Variants in HSPB8 observed in about 807,000 individuals in gnomAD.
HSPB8 encodes the protein heat shock protein family B (small) member 8, also known as heat shock protein beta-8.
In HSPB8, 9 loss-of-function variants were observed where a neutral mutation model predicts 16.5. That is an observed-to-expected ratio of 0.55 (90% confidence interval 0.33 to 0.95). The LOEUF (loss-of-function observed/expected upper bound fraction) is 0.95, where lower values mean the gene tolerates loss of function less well. Among genes scored for constraint, HSPB8 ranks in the 40% least tolerant of loss-of-function variants. The pLI is 0.03. For synonymous variants in HSPB8, 99 were observed against 94.8 expected (o/e 1.04, Z -0.26); for missense variants, 238 against 251.2 (o/e 0.95, Z 0.35).
chr12:119,179,392 C>T lies in HSPB8; in HGVS notation c.80C>T (p.Ser27Phe). The change falls in exon 1 of 3, where the codon TCC becomes TTC. Residue 27 changes from serine to phenylalanine, a missense_variant. Physicochemically the swap from Ser to Phe is radical, Grantham distance 155. Coordinates refer to ENST00000281938, the MANE Select transcript of HSPB8 (RefSeq NM_014365.3). Reference protein sequence around the residue: ...RRDPFRDSPLSSRLLDDGFGM... With the variant: ...RRDPFRDSPLFSRLLDDGFGM... ...GACCCCTTCCGGGACTCTCCCCTCT[C>T]CTCTCGCCTGCTGGATGATGGCTTT... 6.2e-7 allele frequency: 1 copy of T among 1,614,174 alleles called. No individual in the cohort carries two copies. The highest frequency in any genetic ancestry group is 8.5e-7 in the Non-Finnish European group (1 of 1,180,032).
intron 2 of HSPB8, among the ~76,000 whole-genome samples, chr12:119,191,548 C>T (rs888110460): frequency 6.0e-5 from 9 of 150,596 alleles, no homozygotes; most frequent in African/African-American, 2.0e-4. Context: ...TGGGTAGATA[C>T]GGCTCATGTG....
chr12:119,185,631 C>CTATTAT (rs56785067), intron 1 of HSPB8, among the ~76,000 whole-genome samples: 9,465 of 151,210 alleles, frequency 0.063, 376 homozygotes, highest in East Asian at 0.22. Flanking sequence ...CACGCCCTGC[C>CTATTAT]TATTATTATT....
intron 2 of HSPB8, among the ~76,000 whole-genome samples, chr12:119,193,153 T>A (rs1330432407): frequency 1.3e-5 from 2 of 152,230 alleles, no homozygotes; most frequent in African/African-American, 4.8e-5. Context: ...TGTGGCCAGC[T>A]TGGCCCCTTT....
intron 2 of HSPB8, among the ~76,000 whole-genome samples, chr12:119,189,593 T>A (rs1010852505): frequency 1.3e-5 from 2 of 152,036 alleles, no homozygotes; most frequent in African/African-American, 4.8e-5. Flanking sequence ...GCAACCTAGA[T>A]CCCTCGCATG....
At chr12:119,193,113 C>T (rs1269541379) in intron 2 of HSPB8, among the ~76,000 whole-genome samples, 1 of 152,132 alleles carries the variant, frequency 6.6e-6, no homozygotes, top group East Asian at 1.9e-4. Flanking sequence ...TTTTGAATAC[C>T]ATCGAGTATG....
intron 1 of HSPB8, among the ~76,000 whole-genome samples, chr12:119,185,665 T>G (rs11064698): frequency 3.3e-5 from 5 of 151,618 alleles, no homozygotes; most frequent in Non-Finnish European, 5.9e-5. Flanking sequence ...TTAGAAACAG[T>G]GCCTCTCTAT....
intron 1 of HSPB8, among the ~76,000 whole-genome samples, chr12:119,181,453 A>T (rs141884823): frequency 1.3e-5 from 2 of 152,306 alleles, no homozygotes; most frequent in African/African-American, 2.4e-5. Context: ...AGACAAACAG[A>T]TAATGCATCT....
chr12:119,190,257 C>T (rs1427433118), intron 2 of HSPB8, among the ~76,000 whole-genome samples: 3 of 152,178 alleles, frequency 2.0e-5, no homozygotes, highest in Admixed American at 6.5e-5. Context: ...ACCTAGGAGT[C>T]GAACTGGGGT....
At position 119,188,758 on chromosome 12, in the gene HSPB8, T is replaced by C. The variant is rs1592931285; in HGVS notation, c.431+1670T>C. Among the ~76,000 whole-genome samples, 3 of 152,330 alleles carry C rather than the reference T, an allele frequency of 2.0e-5. No individual in the cohort carries two copies. In the South Asian group the frequency reaches 6.2e-4, roughly 32 times the overall value. On this transcript the variant is annotated intron_variant, in intron 2 of 2. Transcript: ENST00000281938. ...TGCTCAGTCCTTGGGCAAGGAATGC[T>C]GTTTCCTCATCTGTGAAAGGGATGC... is the stretch of plus-strand genomic sequence containing the variant.
chr12:119,191,596 AAAG>A (rs1375483091), intron 2 of HSPB8, among the ~76,000 whole-genome samples: 1 of 87,140 alleles, frequency 1.1e-5, no homozygotes, highest in African/African-American at 5.2e-5. Context: ...AGAAAGAAAG[AAAG>A]AAAAAAAAAA....
intron 1 of HSPB8, chr12:119,182,192 G>C (rs78852656): frequency 6.6e-6 from 1 of 152,150 alleles, no homozygotes; most frequent in African/African-American, 2.4e-5. Flanking sequence ...GTAAAATGGG[G>C]TCATTGGGAG....
At chr12:119,180,570 G>C (rs915766409) in intron 1 of HSPB8, among the ~76,000 whole-genome samples, 6 of 152,162 alleles carry the variant, frequency 3.9e-5, no homozygotes, top group African/African-American at 1.2e-4. Flanking sequence ...AATAGGAGTG[G>C]AGTAGGGACT....
chr12:119,190,350 T>C lies in HSPB8; in HGVS notation c.431+3262T>C, dbSNP rs562007326. Among the ~76,000 whole-genome samples the C allele has an allele frequency of 2.0e-5, 3 of 152,278 alleles. No individual in the cohort carries two copies. In the South Asian group the frequency reaches 6.2e-4, roughly 32 times the overall value. ...CTCCAGTCATTAGAGGACAGGGAGA[T>C]TCCTTCAGCCAGGCTGAGATCCTTG... On this transcript the variant is annotated intron_variant, in intron 2 of 2. Transcript: ENST00000281938.
At position 119,179,666 on chromosome 12, in the gene HSPB8, C is replaced by T. The variant is rs374476577; in HGVS notation, c.354C>T (p.Tyr118=). 23 of 1,581,450 alleles carry T rather than the reference C, an allele frequency of 1.5e-5. No homozygotes were observed. The African/African-American group carries it at 1.6e-4, about 11-fold the overall frequency. The part of the protein sequence containing the change: ...EELMVKTKDG[Y]VEVSGKHEEK... ...TGATGGTGAAGACCAAAGATGGATA[C>T]GTGGAGGTGTCTGGTAAGTCAGGGG... Residue 118 remains tyrosine, a synonymous_variant, in exon 1 of 3, where the codon TAC becomes TAT. Coordinates refer to ENST00000281938, the MANE Select transcript of HSPB8 (RefSeq NM_014365.3).
chr12:119,184,274 G>C (rs1443763732), intron 1 of HSPB8, among the ~76,000 whole-genome samples: 2 of 152,198 alleles, frequency 1.3e-5, no homozygotes, highest in African/African-American at 4.8e-5. Flanking sequence ...ATTATTTAAG[G>C]TTGTTGCAAA....
At chr12:119,191,751 G>A (rs1052493723) in intron 2 of HSPB8, among the ~76,000 whole-genome samples, 7 of 152,110 alleles carry the variant, frequency 4.6e-5, no homozygotes, top group Admixed American at 2.0e-4. Flanking sequence ...TTGAACTGCC[G>A]GTCCTTCCTG....
At chr12:119,186,761 T>G in intron 1 of HSPB8, 1 of 480,952 alleles carries the variant, frequency 2.1e-6, no homozygotes, top group Non-Finnish European at 3.8e-6. Context: ...TTCCTCAGAC[T>G]AACCCTTAAT....
chr12:119,180,895 G>A (rs956161635), intron 1 of HSPB8, among the ~76,000 whole-genome samples: 4 of 152,268 alleles, frequency 2.6e-5, no homozygotes, highest in East Asian at 1.9e-4. Flanking sequence ...AGGCTCCAGC[G>A]GGTGTGGTGG....
At position 119,193,980 on chromosome 12, in the gene HSPB8, A is replaced by G. The variant is rs1032455985; in HGVS notation, c.*122A>G. 6.1e-5 allele frequency: 64 copies of G among 1,041,004 alleles called. No homozygotes were observed. In the East Asian group the frequency reaches 1.1e-3, roughly 17 times the overall value. The allele number at this position is 1,041,004 out of a possible 1,614,324, so 64.5% of individuals were successfully genotyped here. The stretch of plus-strand genomic sequence containing the variant: ...TAAAATGTTAGAGGGTGCGGGGGTG[A>G]GGACTGACCACAGATTCCCTGGATA... On this transcript the variant is annotated 3_prime_UTR_variant, in exon 3 of 3. Coordinates refer to ENST00000281938, the MANE Select transcript of HSPB8 (RefSeq NM_014365.3).
Sources: gnomAD v4.1 joint callset for allele counts (sites outside exome capture counted in the v4.1 genomes callset) on GRCh38, gnomAD v4.1.1 for gene constraint, MANE v1.5 for transcripts, NCBI Gene and HGNC (gene_info 2026-07-23, HGNC 2026-07-21) for gene names.